SPOCK3: variants seen among roughly 807,000 people sequenced by gnomAD.
SPOCK3 encodes testican-3.
A neutral mutation model predicts 56.6 loss-of-function variants in SPOCK3; 30 were observed. The ratio of observed to expected loss-of-function variants is 0.53; its 90% CI spans 0.40 to 0.72. The LOEUF is 0.72. SPOCK3 is among the 30% of genes least tolerant of loss of function. The pLI, the probability that SPOCK3 is intolerant of heterozygous loss-of-function variation, is 0.00. For synonymous variants in SPOCK3, 196 were observed against 183.3 expected, an observed-to-expected ratio of 1.07 and a Z score of -0.56; for missense variants, 527 against 530.0, an observed-to-expected ratio of 0.99 and a Z score of 0.06.
At chr4:166,803,230 G>A (rs922036426) in intron 6 of SPOCK3, among the ~76,000 whole-genome samples, 5 of 152,062 alleles carry the variant, frequency 3.3e-5, no homozygotes, top group Non-Finnish European at 7.4e-5. Flanking sequence ...TAAAACATGA[G>A]GTACAATTTC....
intron 2 of SPOCK3, among the ~76,000 whole-genome samples, chr4:167,146,618 A>T (rs551624912): frequency 2.0e-5 from 3 of 152,182 alleles, no homozygotes; most frequent in Non-Finnish European, 4.4e-5. Flanking sequence ...TGTCTCTCAG[A>T]CCACAGTGCA....
At chr4:166,771,451 A>G (rs1003863029) in intron 7 of SPOCK3, among the ~76,000 whole-genome samples, 4 of 152,112 alleles carry the variant, frequency 2.6e-5, no homozygotes, top group African/African-American at 9.6e-5. Context: ...GCCTAGGTAT[A>G]TTAAAAACAA....
chr4:167,021,678 A>C (rs1751192018), intron 3 of SPOCK3, among the ~76,000 whole-genome samples: 1 of 151,882 alleles, frequency 6.6e-6, no homozygotes, highest in East Asian at 2.0e-4. Context: ...CCACTGTCCT[A>C]GTAGGTTGCA....
intron 2 of SPOCK3, among the ~76,000 whole-genome samples, chr4:167,139,885 G>A (rs779743915): frequency 1.1e-4 from 17 of 151,836 alleles, no homozygotes; most frequent in Non-Finnish European, 2.5e-4. Context: ...TGACTCAGTT[G>A]TCCCCATGTA....
At chr4:167,042,066 C>A (rs555311947) in intron 3 of SPOCK3, among the ~76,000 whole-genome samples, 1 of 152,214 alleles carries the variant, frequency 6.6e-6, no homozygotes, top group African/African-American at 2.4e-5. Flanking sequence ...TTAATCCTTT[C>A]ATTAGATATA....
intron 6 of SPOCK3, chr4:166,883,124 A>G (rs564536453): frequency 6.6e-6 from 1 of 152,204 alleles, no homozygotes; most frequent in African/African-American, 2.4e-5. Flanking sequence ...TTAAACGTTA[A>G]AACTAAATTA....
At chr4:166,951,781 C>T (rs954447480) in intron 4 of SPOCK3, among the ~76,000 whole-genome samples, 2 of 151,072 alleles carry the variant, frequency 1.3e-5, no homozygotes, top group African/African-American at 4.9e-5. Flanking sequence ...GTTCAATATA[C>T]ACAAATCAAT....
intron 6 of SPOCK3, among the ~76,000 whole-genome samples, chr4:166,843,781 G>GTC (rs532659965): frequency 6.6e-5 from 10 of 152,260 alleles, no homozygotes; most frequent in Admixed American, 5.2e-4. Flanking sequence ...AATAATACAT[G>GTC]TCTCTCTCTC....
intron 7 of SPOCK3, among the ~76,000 whole-genome samples, chr4:166,779,364 G>A (rs981478100): frequency 1.3e-5 from 2 of 152,018 alleles, no homozygotes; most frequent in African/African-American, 4.8e-5. Flanking sequence ...TCATTTTAAA[G>A]CAACTAAGAT....
intron 4 of SPOCK3, among the ~76,000 whole-genome samples, chr4:166,985,712 A>C (rs1298702526): frequency 6.6e-6 from 1 of 152,146 alleles, no homozygotes; most frequent in Non-Finnish European, 1.5e-5. Flanking sequence ...AAGGCAAGCA[A>C]TTTTGCTTTC....
intron 6 of SPOCK3, among the ~76,000 whole-genome samples, chr4:166,880,390 T>C (rs769450183): frequency 7.9e-5 from 12 of 152,154 alleles, no homozygotes; most frequent in Admixed American, 2.0e-4. Flanking sequence ...CCCATGCATG[T>C]ATAGTCTTTT....
At chr4:166,912,018 A>G (rs150647342) in intron 5 of SPOCK3, among the ~76,000 whole-genome samples, 1 of 152,182 alleles carries the variant, frequency 6.6e-6, no homozygotes, top group African/African-American at 2.4e-5. Flanking sequence ...AAATTTATCA[A>G]TGTCTTATTT....
rs70957803 is a variant in SPOCK3, at chr4:166,956,220, TAC to T, written c.351-43479_351-43478del. Among the ~76,000 whole-genome samples the T allele has an allele frequency of 1.6e-3, 233 of 149,586 alleles. 2 individuals carry two copies. The highest frequency in any genetic ancestry group is 5.2e-3 in the African/African-American group (212 of 40,846). On this transcript the variant is annotated intron_variant, in intron 4 of 10. Coordinates refer to ENST00000357545, the MANE Select transcript of SPOCK3 (RefSeq NM_001040159.2). ...CATGAATAATATTAAACCACACACA[TAC>T]ACACACACACACACACAATTCTTTT...
intron 2 of SPOCK3, among the ~76,000 whole-genome samples, chr4:167,095,737 C>T (rs1231920750): frequency 6.6e-6 from 1 of 151,300 alleles, no homozygotes. Context: ...CATAAACCTC[C>T]CAAACTTGCA....
At chr4:167,098,548 T>C (rs910171719) in intron 2 of SPOCK3, among the ~76,000 whole-genome samples, 1 of 152,002 alleles carries the variant, frequency 6.6e-6, no homozygotes, top group African/African-American at 2.4e-5. Context: ...AGGAAAGTAT[T>C]CCATATTTAC....
intron 4 of SPOCK3, among the ~76,000 whole-genome samples, chr4:166,980,994 C>T (rs968141521): frequency 2.1e-4 from 32 of 152,110 alleles, no homozygotes; most frequent in Admixed American, 1.3e-3. Context: ...AAGTTCTTGC[C>T]GCGGTCTAGG....
chr4:167,230,520 A>AG (rs397878498), intron 2 of SPOCK3, among the ~76,000 whole-genome samples: 1 of 150,204 alleles, frequency 6.7e-6, no homozygotes, highest in African/African-American at 2.4e-5. Context: ...AAAAAAAAAA[A>AG]CCAGCATGTA....
At position 167,015,989 on chromosome 4, in the gene SPOCK3, TA is replaced by T. The variant is rs1212549752; in HGVS notation, c.236-15527del. Among the ~76,000 whole-genome samples, 6 of 152,130 alleles carry T rather than the reference TA, an allele frequency of 3.9e-5. No homozygotes were observed. The East Asian group carries it at 1.2e-3, about 29-fold the overall frequency. On this transcript the variant is annotated intron_variant, in intron 3 of 10. Transcript: ENST00000357545. ...TCTAAAGACACTGGGAATTTTTTGT[TA>T]AAAAAAGTATTTATCCAAATATTCA...
At chr4:166,934,305 C>T (rs187462336) in intron 4 of SPOCK3, among the ~76,000 whole-genome samples, 43 of 147,332 alleles carry the variant, frequency 2.9e-4, no homozygotes, top group African/African-American at 7.0e-4. Flanking sequence ...CTGGCTAACA[C>T]GGTGAAACCC....
Sources: gnomAD v4.1 joint callset for allele counts (sites outside exome capture counted in the v4.1 genomes callset) on GRCh38, gnomAD v4.1.1 for gene constraint, MANE v1.5 for transcripts, NCBI Gene and HGNC (gene_info 2026-07-23, HGNC 2026-07-21) for gene names.